Variants in PPIA observed in about 807,000 individuals in gnomAD.
PPIA encodes the protein peptidyl-prolyl cis-trans isomerase A.
PPIA carries 2 observed loss-of-function variants against 15.3 expected under a neutral mutation model. The observed-to-expected ratio is 0.13, with a 90% CI of 0.05 to 0.41. The LOEUF (loss-of-function observed/expected upper bound fraction) is 0.41, where lower values mean the gene tolerates loss of function less well. PPIA is among the 10% of genes least tolerant of loss of function. PPIA has a pLI of 0.99. For synonymous variants in PPIA, 67 were observed against 73.1 expected (o/e 0.92, Z 0.43); for missense variants, 103 against 210.3 (o/e 0.49, Z 3.16).
intron 1 of PPIA, among the ~76,000 whole-genome samples, chr7:44,797,705 A>G (rs1466871203): frequency 6.6e-6 from 1 of 152,236 alleles, no homozygotes; most frequent in African/African-American, 2.4e-5. Flanking sequence ...CATAGTATCT[A>G]AACTTGGCGC....
rs2116992953 is a variant in PPIA at position 44,802,082 on chromosome 7, A to T, written c.*660A>T. The T allele has an allele frequency of 6.6e-6, 1 of 152,582 alleles. No individual in the cohort carries two copies. The highest frequency in any genetic ancestry group is 2.1e-4 in the South Asian group (1 of 4,830). The allele number at this position is 152,582 out of a possible 1,614,324, so 9.5% of individuals were successfully genotyped here. On this transcript the variant is annotated 3_prime_UTR_variant, in exon 5 of 5. Coordinates refer to ENST00000468812, the MANE Select transcript of PPIA (RefSeq NM_021130.5). ...AGAGGCAGGAAAAGCAAGGAGCCAG[A>T]ATTAAGAGGTTGGGTCAGTCTGCAG... is the stretch of plus-strand genomic sequence containing the variant.
At position 44,802,519 on chromosome 7, in the gene PPIA, T is replaced by C. The variant is rs896699724; in HGVS notation, c.*1097T>C. 3 of 152,170 alleles carry C rather than the reference T, an allele frequency of 2.0e-5. No individual in the cohort carries two copies. Among genetic ancestry groups the C allele is most frequent in the Non-Finnish European group, 4.4e-5 (3 of 68,046 alleles). The allele number at this position is 152,170 out of a possible 1,614,324, so 9.4% of individuals were successfully genotyped here. On this transcript the variant is annotated 3_prime_UTR_variant, in exon 5 of 5. Coordinates refer to ENST00000468812, the MANE Select transcript of PPIA (RefSeq NM_021130.5). Reference sequence around the variant, plus strand: ...GAGGGAAGCATATTGGGCTTTAGGCTGTAGGTCAAGTTTATACATCTTAAT... The same window carrying C: ...GAGGGAAGCATATTGGGCTTTAGGCCGTAGGTCAAGTTTATACATCTTAAT...
intron 1 of PPIA, chr7:44,798,723 T>C (rs1161048588): frequency 3.0e-6 from 3 of 984,740 alleles, no homozygotes; most frequent in African/African-American, 1.7e-5. Flanking sequence ...TAGAAACCAA[T>C]CTTTATTTTT....
chr7:44,798,510 CA>C (rs113342552), intron 1 of PPIA: 1,507 of 147,112 alleles, frequency 0.01, 9 homozygotes, highest in African/African-American at 0.019. Context: ...ACTCTTGTCT[CA>C]AAAAAAAAAA....
At chr7:44,799,322 A>G (rs769991894) in intron 2 of PPIA, 45 bp downstream of exon 2, 1 of 1,607,998 alleles carries the variant, frequency 6.2e-7, no homozygotes, top group South Asian at 1.1e-5. Context: ...CAATTGTGAC[A>G]GTTTGTGTGT....
Position 44,799,988 on chromosome 7 carries a change from T to G in PPIA, c.362+114T>G. ...TTGCTTCCACAGACTTTTTCATCCC[T>G]AAGATACTAGAAGAAGAGCATACAT... On this transcript the variant is annotated intron_variant, in intron 4 of 4. Transcript: ENST00000468812. 3 of 1,077,390 alleles carry G rather than the reference T, an allele frequency of 2.8e-6. No individual in the cohort carries two copies. In the South Asian group the frequency reaches 4.3e-5, roughly 15 times the overall value. 66.7% of individuals were successfully genotyped at this position (1,077,390 alleles called of 1,614,324 possible). A position where few individuals can be genotyped will look rare whatever the true frequency, so the allele number is the denominator to read the frequency against.
intron 1 of PPIA, chr7:44,798,760 G>C: frequency 1.0e-6 from 1 of 988,178 alleles, no homozygotes; most frequent in Non-Finnish European, 1.2e-6. Context: ...AAGGGGCCTG[G>C]ATACCAAGAA....
At chr7:44,799,004 T>G (rs1792464114) in intron 1 of PPIA, 1 of 1,169,606 alleles carries the variant, frequency 8.5e-7, no homozygotes, top group Non-Finnish European at 1.1e-6. Flanking sequence ...AGACACTTTC[T>G]AGAAGTCTCA....
Position 44,801,274 on chromosome 7 carries a change from C to G in PPIA, c.363-13C>G. 1.2e-6 allele frequency: 2 copies of G among 1,607,322 alleles called. No homozygotes were observed. The highest frequency in any genetic ancestry group is 1.7e-6 in the Non-Finnish European group (2 of 1,176,316). ...GTGGTTGCCAGTCATAGTGATTGTTCTTCCTTTTCAAGGTTGGATGGCAAG... is the reference window on the plus strand; with the variant it reads ...GTGGTTGCCAGTCATAGTGATTGTTGTTCCTTTTCAAGGTTGGATGGCAAG... On this transcript the variant is annotated splice_polypyrimidine_tract_variant and intron_variant, in intron 4 of 4. Coordinates refer to ENST00000468812, the MANE Select transcript of PPIA (RefSeq NM_021130.5).
At chr7:44,797,944 T>TA (rs1792430572) in intron 1 of PPIA, 1 of 152,198 alleles carries the variant, frequency 6.6e-6, no homozygotes, top group Non-Finnish European at 1.5e-5. Flanking sequence ...GCCTGGCACA[T>TA]AGGCACTGAA....
intron 3 of PPIA, 32 bp from the exon 4 acceptor site, chr7:44,799,670 T>A: frequency 6.2e-7 from 1 of 1,613,318 alleles, no homozygotes; most frequent in Non-Finnish European, 8.5e-7. Flanking sequence ...GGTTATGTTG[T>A]CAGAAGTGAC....
At chr7:44,799,895 A>G in intron 4 of PPIA, 21 bp downstream of exon 4, 2 of 1,604,552 alleles carry the variant, frequency 1.2e-6, no homozygotes, top group Non-Finnish European at 1.7e-6. Context: ...AACATGGCAC[A>G]CTAACCACCT....
chr7:44,800,805 G>A (rs570817304), intron 4 of PPIA, among the ~76,000 whole-genome samples: 7 of 151,798 alleles, frequency 4.6e-5, no homozygotes, highest in Non-Finnish European at 8.8e-5. Context: ...GGAGGGGGGC[G>A]CAATTCATTC....
At chr7:44,801,141 A>G (rs1321575543) in intron 4 of PPIA, 146 bp from the exon 5 acceptor site, 2 of 1,011,586 alleles carry the variant, frequency 2.0e-6, no homozygotes, top group Admixed American at 2.8e-5. Context: ...TTTAATGGTA[A>G]TTGGAGAATC....
intron 1 of PPIA, chr7:44,797,882 G>T (rs1401553350): frequency 6.6e-6 from 1 of 152,186 alleles, no homozygotes; most frequent in African/African-American, 2.4e-5. Context: ...TGATCCTCAT[G>T]CAGTCTTCGT....
chr7:44,796,855 G>T, intron 1 of PPIA, 62 bp downstream of exon 1: 3 of 1,524,182 alleles, frequency 2.0e-6, no homozygotes, highest in Non-Finnish European at 2.7e-6. Flanking sequence ...CGGGGTGGGT[G>T]GTAGCGCCCC....
rs1318257823 is a variant in PPIA, at chr7:44,802,983, AC to A, written c.*1563del. 6.6e-6 allele frequency: 1 copy of A among 151,928 alleles called. No individual in the cohort carries two copies. Among genetic ancestry groups the A allele is most frequent in the Admixed American group, 6.6e-5 (1 of 15,204 alleles). The allele number at this position is 151,928 out of a possible 1,614,324, so 9.4% of individuals were successfully genotyped here. A position where few individuals can be genotyped will look rare whatever the true frequency, so the allele number is the denominator to read the frequency against. On this transcript the variant is annotated 3_prime_UTR_variant, in exon 5 of 5. Transcript: ENST00000468812. The stretch of plus-strand genomic sequence containing the variant: ...GGTTCCTTCTGCGTGAATTACCACC[AC>A]CACCACTTGTGCATCTCAGTCTTGT...
rs558751050 is a variant in PPIA at position 44,801,214 on chromosome 7, C to T, written c.363-73C>T. 58 of 1,493,934 alleles carry T rather than the reference C, an allele frequency of 3.9e-5. No homozygotes were observed. In the East Asian group the frequency reaches 3.9e-4, roughly 10 times the overall value. The allele number at this position is 1,493,934 out of a possible 1,614,324, so 92.5% of individuals were successfully genotyped here. A position where few individuals can be genotyped will look rare whatever the true frequency, so the allele number is the denominator to read the frequency against. On this transcript the variant is annotated intron_variant, in intron 4 of 4. Transcript: ENST00000468812. Reference sequence around the variant, plus strand: ...AAAAAAAAAAAAAAGCTACCTTTCTCGTCTTGGTTCATGACACATGGAGGC... The same window carrying T: ...AAAAAAAAAAAAAAGCTACCTTTCTTGTCTTGGTTCATGACACATGGAGGC...
intron 1 of PPIA, chr7:44,798,533 A>G (rs929533226): frequency 8.2e-5 from 14 of 170,826 alleles, no homozygotes; most frequent in Non-Finnish European, 1.3e-4. Context: ...GTACATTGCT[A>G]TAAGAGAAGT....
Sources: allele counts gnomAD v4.1 joint callset (sites outside exome capture counted in the v4.1 genomes callset), GRCh38; gene constraint gnomAD v4.1.1; transcripts MANE v1.5; gene names NCBI Gene and HGNC (gene_info 2026-07-23, HGNC 2026-07-21).